The following ETS2 variants were observed in gnomAD, a reference collection of about 807,000 sequenced individuals.
ETS2 encodes the protein ETS proto-oncogene 2, transcription factor.
In ETS2, 19 loss-of-function variants were observed where a neutral mutation model predicts 54.9. That is an observed-to-expected ratio of 0.35 (90% CI 0.24 to 0.51). The LOEUF (loss-of-function observed/expected upper bound fraction) is 0.51. Ranked by LOEUF, ETS2 falls within the 20% of genes least tolerant of loss-of-function variation. The probability of loss-of-function intolerance (pLI) is 0.97; values close to 1 mark genes in which losing one functional copy is unlikely to be tolerated. For missense variants in ETS2, 417 were observed against 593.0 expected (o/e 0.70, Z 3.08); for synonymous variants, 219 against 229.3 (o/e 0.95, Z 0.41).
At chr21:38,815,865 G>C (rs887597285) in intron 5 of ETS2, among the ~76,000 whole-genome samples, 1 of 148,634 alleles carries the variant, frequency 6.7e-6, no homozygotes, top group Non-Finnish European at 1.5e-5. Flanking sequence ...CCTTGAGCCC[G>C]GGAGGCAGAG....
At position 38,818,516 on chromosome 21, in the gene ETS2, C is replaced by T; in HGVS notation, c.681C>T (p.Pro227=). The T allele has an allele frequency of 6.2e-7, 1 of 1,614,206 alleles. No homozygotes were observed. Among genetic ancestry groups the T allele is most frequent in the Non-Finnish European group, 8.5e-7 (1 of 1,180,040 alleles). ...ACAGCATGTGTCCGGCCTCCACACC[C>T]AGCGTACTCAGCTCTGAGCAGGAGT... ...LLDSMCPAST[P]SVLSSEQEFQ... Residue 227 remains proline (P), a synonymous_variant, in exon 7 of 10, where the codon CCC becomes CCT. Coordinates refer to ENST00000360938, the MANE Select transcript of ETS2 (RefSeq NM_005239.6).
intron 7 of ETS2, 107 bp from the exon 8 acceptor site, chr21:38,819,396 C>A: frequency 1.0e-6 from 1 of 1,004,642 alleles, no homozygotes; most frequent in Non-Finnish European, 1.5e-6. Context: ...TGGTTCTACA[C>A]CAGCAGGTGC....
intron 5 of ETS2, 85 bp from the exon 6 acceptor site, chr21:38,816,923 T>C: frequency 2.6e-6 from 2 of 766,920 alleles, no homozygotes; most frequent in South Asian, 3.1e-5. Context: ...AAAATTATCA[T>C]CTCACAGGAA....
At chr21:38,812,186 A>C (rs1036838349) in intron 2 of ETS2, among the ~76,000 whole-genome samples, 3 of 152,076 alleles carry the variant, frequency 2.0e-5, no homozygotes, top group South Asian at 4.1e-4. Context: ...AAATGCTTCC[A>C]AAGATAAAGT....
chr21:38,814,237 G>T lies in ETS2; in HGVS notation c.185-36G>T, dbSNP rs759065515. ...AATCTCCACCTGATATCACCAACTT[G>T]AAGTCCTAATGTCCCCATGGGGGGT... On this transcript the variant is annotated intron_variant, in intron 3 of 9. Coordinates refer to ENST00000360938, the MANE Select transcript of ETS2 (RefSeq NM_005239.6). The surrounding 1 kb of genome is among the most constrained non-coding windows in gnomAD (Gnocchi z 4.2). 2 of 1,603,746 alleles carry T rather than the reference G, an allele frequency of 1.2e-6. No homozygotes were observed. Among genetic ancestry groups the T allele is most frequent in the Admixed American group, 1.7e-5 (1 of 58,224 alleles).
chr21:38,824,146 G>T lies in ETS2; in HGVS notation c.*1257G>T, dbSNP rs1424796384. 6.6e-6 allele frequency: 1 copy of T among 152,564 alleles called. No homozygotes were observed. Among genetic ancestry groups the T allele is most frequent in the East Asian group, 1.9e-4 (1 of 5,194 alleles). The allele number at this position is 152,564 out of a possible 1,614,324, so 9.5% of individuals were successfully genotyped here. A position where few individuals can be genotyped will look rare whatever the true frequency, so the allele number is the denominator to read the frequency against. ...AGAGCTGAAGGACGGGGGGCGGTAGGGGTCTTGATGAAACCTCTTGAACGA... is the reference window on the plus strand; with the variant it reads ...AGAGCTGAAGGACGGGGGGCGGTAGTGGTCTTGATGAAACCTCTTGAACGA... On this transcript the variant is annotated 3_prime_UTR_variant, in exon 10 of 10. Coordinates refer to ENST00000360938, the MANE Select transcript of ETS2 (RefSeq NM_005239.6).
Position 38,821,500 on chromosome 21 carries a change from C to A in ETS2, c.1076-86C>A. On this transcript the variant is annotated intron_variant, in intron 8 of 9. Coordinates refer to ENST00000360938, the MANE Select transcript of ETS2 (RefSeq NM_005239.6). This position sits in a 1 kb window ranked among gnomAD's most constrained non-coding sequence, Gnocchi z 4.2. ...GAGAGTTGGGTCTGCATTCCTAAATCAGCATGTACAATTAGGATGGTTAAA... is the reference window on the plus strand; with the variant it reads ...GAGAGTTGGGTCTGCATTCCTAAATAAGCATGTACAATTAGGATGGTTAAA... 1 of 970,282 alleles carries A rather than the reference C, an allele frequency of 1.0e-6. No homozygotes were observed. Among genetic ancestry groups the A allele is most frequent in the Non-Finnish European group, 1.6e-6 (1 of 608,268 alleles). The allele number at this position is 970,282 out of a possible 1,614,324, so 60.1% of individuals were successfully genotyped here. A position where few individuals can be genotyped will look rare whatever the true frequency, so the allele number is the denominator to read the frequency against.
intron 6 of ETS2, among the ~76,000 whole-genome samples, chr21:38,817,622 G>A (rs544940763): frequency 3.6e-4 from 55 of 152,342 alleles, no homozygotes; most frequent in African/African-American, 1.1e-3. Context: ...CACAGAGTGC[G>A]TGAAAAGCAA....
upstream of ETS2, chr21:38,805,742 C>T (rs1324806413): frequency 1.2e-6 from 1 of 833,568 alleles, no homozygotes; most frequent in African/African-American, 1.9e-5. The surrounding 1 kb of genome is among the most constrained non-coding windows in gnomAD (Gnocchi z 5.2). Flanking sequence ...CCCCTTCCCT[C>T]TCCTCCCGCT....
At chr21:38,818,741 G>T in intron 7 of ETS2, 95 bp downstream of exon 7, 1 of 1,423,546 alleles carries the variant, frequency 7.0e-7, no homozygotes, top group South Asian at 1.2e-5. Context: ...CCTGGATTCA[G>T]CCATTAGAGA....
intron 2 of ETS2, among the ~76,000 whole-genome samples, chr21:38,811,588 T>C (rs2060914085): frequency 6.6e-6 from 1 of 152,232 alleles, no homozygotes; most frequent in Non-Finnish European, 1.5e-5. Context: ...AAAAATATAG[T>C]CTTTCTTCAC....
chr21:38,812,208 T>C (rs1167341132), intron 2 of ETS2, among the ~76,000 whole-genome samples: 1 of 145,288 alleles, frequency 6.9e-6, no homozygotes, highest in Non-Finnish European at 1.5e-5. Context: ...GTGTATTTCA[T>C]TGTTTGATTT....
chr21:38,822,215 C>A (rs1429953852), intron 9 of ETS2, among the ~76,000 whole-genome samples: 1 of 152,214 alleles, frequency 6.6e-6, no homozygotes, highest in Non-Finnish European at 1.5e-5. Context: ...GTCTCTGGCA[C>A]TGGGGAGCGT....
upstream of ETS2, chr21:38,805,221 G>C: frequency 7.9e-6 from 6 of 763,182 alleles, no homozygotes; most frequent in South Asian, 1.1e-4. This position sits in a 1 kb window ranked among gnomAD's most constrained non-coding sequence, Gnocchi z 5.2. Context: ...GGCTTCCCGG[G>C]AGCAGCGCGA....
Position 38,818,510 on chromosome 21 carries a change from C to T in ETS2, c.675C>T (p.Ser225=), listed in dbSNP as rs1044199002. The part of the protein sequence containing the change: ...GGLLDSMCPA[S]TPSVLSSEQE... Reference sequence around the variant, plus strand: ...TCCTGGACAGCATGTGTCCGGCCTCCACACCCAGCGTACTCAGCTCTGAGC... The same window carrying T: ...TCCTGGACAGCATGTGTCCGGCCTCTACACCCAGCGTACTCAGCTCTGAGC... The change falls in exon 7 of 10, where the codon TCC becomes TCT. Residue 225 remains serine, a synonymous_variant. Transcript: ENST00000360938. The T allele has an allele frequency of 6.2e-7, 1 of 1,614,176 alleles. No homozygotes were observed. The highest frequency in any genetic ancestry group is 8.5e-7 in the Non-Finnish European group (1 of 1,180,034).
chr21:38,818,140 C>T (rs1364238486), intron 6 of ETS2, among the ~76,000 whole-genome samples: 1 of 152,136 alleles, frequency 6.6e-6, no homozygotes, highest in Non-Finnish European at 1.5e-5. Context: ...AGCCAGTGAG[C>T]CCTGTCTTCC....
At chr21:38,812,472 G>A (rs1440524543) in intron 2 of ETS2, among the ~76,000 whole-genome samples, 1 of 152,226 alleles carries the variant, frequency 6.6e-6, no homozygotes, top group Non-Finnish European at 1.5e-5. Context: ...CTCCGACTCT[G>A]TGAGGTTACT....
rs530959089 is a variant in ETS2, at chr21:38,819,430, T to G, written c.812-73T>G. ...GCATGATTGCACTGGTAGTGGTTGG[T>G]GATGCTATGGTCGTGCCCAAGACCA... On this transcript the variant is annotated intron_variant, in intron 7 of 9. Coordinates refer to ENST00000360938, the MANE Select transcript of ETS2 (RefSeq NM_005239.6). 2.1e-6 allele frequency: 3 copies of G among 1,412,414 alleles called. No homozygotes were observed. In the Admixed American group the frequency reaches 5.2e-5, roughly 24 times the overall value. 87.5% of individuals were successfully genotyped at this position (1,412,414 alleles called of 1,614,324 possible).
chr21:38,808,508 C>T (rs900438898), intron 1 of ETS2, among the ~76,000 whole-genome samples: 30 of 151,986 alleles, frequency 2.0e-4, no homozygotes, highest in Admixed American at 1.7e-3. Flanking sequence ...ATGATCATTA[C>T]CTGCACTCCG....
Sources: gnomAD v4.1 joint callset for allele counts (sites outside exome capture counted in the v4.1 genomes callset) on GRCh38, gnomAD v4.1.1 for gene constraint, Gnocchi (gnomAD v3.1) non-coding constraint, MANE v1.5 for transcripts, NCBI Gene and HGNC (gene_info 2026-07-23, HGNC 2026-07-21) for gene names.